Variants in PRKCE observed in about 807,000 individuals in gnomAD.
PRKCE encodes protein kinase C epsilon type.
PRKCE carries 16 observed loss-of-function variants against 85.4 expected under a neutral mutation model. The observed-to-expected ratio is 0.19, with a 90% CI of 0.13 to 0.28. PRKCE has a LOEUF of 0.28. PRKCE is among the 10% of genes least tolerant of loss of function. The pLI is 1.00. For synonymous variants in PRKCE, 388 were observed against 371.5 expected (o/e 1.04, Z -0.51); for missense variants, 573 against 975.2 (o/e 0.59, Z 5.49).
rs1465483189 is a variant in PRKCE at position 45,652,424 on chromosome 2, C to A, written c.324C>A (p.Asn108Lys). 1.3e-6 allele frequency: 2 copies of A among 1,590,896 alleles called. No individual in the cohort carries two copies. Among genetic ancestry groups the A allele is most frequent in the Non-Finnish European group, 1.7e-6 (2 of 1,170,666 alleles). Reference sequence around the variant, plus strand: ...TCCAGTTTGAGGAGCTGCTGCAGAACGGGAGCCGCCACTTCGAGGACTGGG... The same window carrying A: ...TCCAGTTTGAGGAGCTGCTGCAGAAAGGGAGCCGCCACTTCGAGGACTGGG... Reference protein sequence around the residue: ...CTIQFEELLQNGSRHFEDWID... With the variant: ...CTIQFEELLQKGSRHFEDWID... The change falls in exon 1 of 15, where the codon AAC (asparagine) becomes AAA (lysine). Residue 108 changes from asparagine to lysine, a missense_variant. This residue lies in a region of PRKCE where 100 missense variants were observed against 177.1 expected (regional missense o/e 0.56). Transcript: ENST00000306156. This position sits in a 1 kb window ranked among gnomAD's most constrained non-coding sequence, Gnocchi z 7.7.
intron 1 of PRKCE, among the ~76,000 whole-genome samples, chr2:45,689,385 G>A (rs1051216179): frequency 3.3e-5 from 5 of 152,028 alleles, no homozygotes; most frequent in South Asian, 4.1e-4. Context: ...CCAGGGGTCC[G>A]GCCTCCCACG....
chr2:45,877,409 C>T (rs565307625), intron 2 of PRKCE, among the ~76,000 whole-genome samples: 55 of 152,124 alleles, frequency 3.6e-4, no homozygotes, highest in Non-Finnish European at 7.5e-4. Flanking sequence ...TATACTCCAT[C>T]CTCTTACTCT....
Position 45,907,297 on chromosome 2 carries a change from T to G in PRKCE, c.412+64234T>G, listed in dbSNP as rs1697053056. 6.6e-6 allele frequency among the ~76,000 whole-genome samples: 1 copy of G among 152,094 alleles called. No individual in the cohort carries two copies. On this transcript the variant is annotated intron_variant, in intron 2 of 14. Coordinates refer to ENST00000306156, the MANE Select transcript of PRKCE (RefSeq NM_005400.3). The surrounding 1 kb of genome is among the most constrained non-coding windows in gnomAD (Gnocchi z 4.5). ...AGGAAAAAATAAATCAGCCCCCTAT[T>G]GAGTGACTTTCAGGAATGAGAGGCA...
intron 1 of PRKCE, among the ~76,000 whole-genome samples, chr2:45,696,136 T>G (rs1374393647): frequency 2.2e-5 from 3 of 137,068 alleles, no homozygotes; most frequent in African/African-American, 5.5e-5. Flanking sequence ...TTTTTTTTTT[T>G]GTAGAACAGG....
chr2:45,801,779 G>T (rs1687888682), intron 1 of PRKCE, among the ~76,000 whole-genome samples: 1 of 152,144 alleles, frequency 6.6e-6, no homozygotes, highest in South Asian at 2.1e-4. Flanking sequence ...CATGGGACAG[G>T]TTGCCAAACC....
At chr2:46,031,709 G>A (rs992222469) in intron 10 of PRKCE, among the ~76,000 whole-genome samples, 1 of 151,726 alleles carries the variant, frequency 6.6e-6, no homozygotes, top group Non-Finnish European at 1.5e-5. Context: ...GGTAATGAAA[G>A]CCAGTGTGAT....
chr2:45,783,207 G>A (rs781242209), intron 1 of PRKCE, among the ~76,000 whole-genome samples: 15 of 152,190 alleles, frequency 9.9e-5, no homozygotes, highest in African/African-American at 2.6e-4. Context: ...GCTCCTTTAC[G>A]CACAGCCATC....
At chr2:46,043,160 A>C (rs1708314274) in intron 10 of PRKCE, among the ~76,000 whole-genome samples, 1 of 151,994 alleles carries the variant, frequency 6.6e-6, no homozygotes, top group Admixed American at 6.6e-5. Context: ...CCTTGTGCCA[A>C]AGTCATGTTA....
intron 11 of PRKCE, among the ~76,000 whole-genome samples, chr2:46,123,214 CTTTTTTTTTTTTT>C (rs70937991): frequency 1.8e-4 from 5 of 27,368 alleles, no homozygotes; most frequent in Admixed American, 6.8e-4. Flanking sequence ...AAACACTTGC[CTTTTTTTTTTTTT>C]TTTTTTTTTT....
intron 2 of PRKCE, among the ~76,000 whole-genome samples, chr2:45,870,053 T>C (rs550403475): frequency 6.3e-4 from 96 of 152,214 alleles, no homozygotes; most frequent in African/African-American, 2.1e-3. Context: ...GATAAACTGC[T>C]CTCCTTCCTG....
rs1433387119 is a variant in PRKCE at position 45,736,492 on chromosome 2, A to G, written c.348+84044A>G. On this transcript the variant is annotated intron_variant, in intron 1 of 14. Coordinates refer to ENST00000306156, the MANE Select transcript of PRKCE (RefSeq NM_005400.3). ...CAGTTGCTTACAGAAAAATCAGTCT[A>G]TTAGGCAAATTAGACGTGGAGCAGT... 3.3e-5 allele frequency among the ~76,000 whole-genome samples: 5 copies of G among 152,162 alleles called. 1 individual carries two copies. The highest frequency in any genetic ancestry group is 5.9e-5 in the Non-Finnish European group (4 of 68,020).
At chr2:46,048,636 C>T (rs920260520) in intron 10 of PRKCE, among the ~76,000 whole-genome samples, 7 of 152,172 alleles carry the variant, frequency 4.6e-5, no homozygotes, top group Non-Finnish European at 8.8e-5. Context: ...CAGGGGGAGA[C>T]GGATGATAGC....
At chr2:45,661,516 G>GTTTT (rs1270841370) in intron 1 of PRKCE, among the ~76,000 whole-genome samples, 8 of 121,172 alleles carry the variant, frequency 6.6e-5, no homozygotes, top group African/African-American at 2.6e-4. Context: ...GTTTTGTTTT[G>GTTTT]TTTTTTGTTT....
At chr2:45,745,965 T>A (rs1297456589) in intron 1 of PRKCE, among the ~76,000 whole-genome samples, 3 of 152,242 alleles carry the variant, frequency 2.0e-5, no homozygotes, top group Non-Finnish European at 2.9e-5. Flanking sequence ...CATGCTAAGA[T>A]GTTTTTTCTT....
chr2:46,001,575 A>G lies in PRKCE; in HGVS notation c.966+29A>G. ...ACTGGCTGTTTGGTGGTGTTGCTGG[A>G]GCCCTTTTCAGGCTAGCATTTCTGT... On this transcript the variant is annotated intron_variant, in intron 7 of 14. Transcript: ENST00000306156. This position sits in a 1 kb window ranked among gnomAD's most constrained non-coding sequence, Gnocchi z 4.4. 1 of 1,591,064 alleles carries G rather than the reference A, an allele frequency of 6.3e-7. No homozygotes were observed. The highest frequency in any genetic ancestry group is 8.5e-7 in the Non-Finnish European group (1 of 1,174,840).
At chr2:45,975,857 G>A (rs1702415527) in intron 2 of PRKCE, among the ~76,000 whole-genome samples, 1 of 152,130 alleles carries the variant, frequency 6.6e-6, no homozygotes. Context: ...CTGGGAAAAT[G>A]CTCTTGGTTG....
At chr2:45,944,448 C>A (rs1700093470) in intron 2 of PRKCE, among the ~76,000 whole-genome samples, 1 of 152,122 alleles carries the variant, frequency 6.6e-6, no homozygotes, top group Admixed American at 6.5e-5. Flanking sequence ...AACTTAAGAT[C>A]TGTACGTTTT....
chr2:46,053,765 T>C (rs554226380), intron 10 of PRKCE, among the ~76,000 whole-genome samples: 2 of 152,148 alleles, frequency 1.3e-5, no homozygotes, highest in East Asian at 3.9e-4. Flanking sequence ...GGTGGACACG[T>C]GGGTGGACAC....
intron 2 of PRKCE, among the ~76,000 whole-genome samples, chr2:45,922,596 C>G (rs1053853924): frequency 2.6e-5 from 4 of 152,220 alleles, no homozygotes; most frequent in African/African-American, 9.6e-5. Flanking sequence ...CCCAGGCTGT[C>G]TCCACCCCAA....
Sources: allele counts gnomAD v4.1 joint callset (sites outside exome capture counted in the v4.1 genomes callset), GRCh38; gene constraint gnomAD v4.1.1; regional missense constraint gnomAD v4.1.1; non-coding constraint Gnocchi (gnomAD v3.1); transcripts MANE v1.5; gene names NCBI Gene and HGNC (gene_info 2026-07-23, HGNC 2026-07-21).